The following TMEM132B variants were observed in gnomAD, a reference collection of about 807,000 sequenced individuals.
TMEM132B encodes the protein transmembrane protein 132B.
In TMEM132B, 18 loss-of-function variants were observed where a neutral mutation model predicts 90.8. The observed-to-expected ratio is 0.20, with a 90% confidence interval of 0.14 to 0.29. The LOEUF is 0.29. TMEM132B is among the 10% of genes least tolerant of loss of function. The pLI is 1.00. For missense variants in TMEM132B, 1,096 were observed against 1,326.8 expected (o/e 0.83, Z 2.70); for synonymous variants, 504 against 523.3 (o/e 0.96, Z 0.50).
chr12:125,659,136 T>G lies in TMEM132B; in HGVS notation c.*4426T>G, dbSNP rs1206724264. The stretch of plus-strand genomic sequence containing the variant: ...TTATTTTTTCTTTTCAGCCAGAGAT[T>G]TTAATACCCTTGATGCAGTAATAAA... On this transcript the variant is annotated 3_prime_UTR_variant, in exon 9 of 9. Coordinates refer to ENST00000682704, the MANE Select transcript of TMEM132B (RefSeq NM_001366854.1). The G allele has an allele frequency of 6.6e-6, 1 of 152,248 alleles. No individual in the cohort carries two copies. Among genetic ancestry groups the G allele is most frequent in the Non-Finnish European group, 1.5e-5 (1 of 68,050 alleles). 9.4% of individuals were successfully genotyped at this position (152,248 alleles called of 1,614,324 possible).
chr12:125,584,830 AGAAAG>A (rs1475629333), intron 5 of TMEM132B: 2 of 152,208 alleles, frequency 1.3e-5, no homozygotes, highest in African/African-American at 4.8e-5. Flanking sequence ...GACCTCAGGG[AGAAAG>A]GATTTGAATT....
At chr12:125,228,601 T>A (rs1873736548) in intron 1 of TMEM132B, among the ~76,000 whole-genome samples, 1 of 152,222 alleles carries the variant, frequency 6.6e-6, no homozygotes, top group African/African-American at 2.4e-5. Flanking sequence ...GAGCTGGACC[T>A]GTTCAGGCTT....
At chr12:125,576,904 G>C (rs940873549) in intron 4 of TMEM132B, among the ~76,000 whole-genome samples, 2 of 151,178 alleles carry the variant, frequency 1.3e-5, no homozygotes, top group East Asian at 3.9e-4. Context: ...CAGGGGGGTG[G>C]GGTTGGCATC....
intron 5 of TMEM132B, among the ~76,000 whole-genome samples, chr12:125,640,085 C>G (rs1324699602): frequency 6.6e-6 from 1 of 152,156 alleles, no homozygotes; most frequent in Admixed American, 6.5e-5. Flanking sequence ...TCAGTTCCCA[C>G]AGGACAACAT....
At chr12:125,483,969 G>A (rs1036547420) in intron 3 of TMEM132B, among the ~76,000 whole-genome samples, 5 of 152,180 alleles carry the variant, frequency 3.3e-5, no homozygotes, top group Admixed American at 3.3e-4. Flanking sequence ...GAACATAATT[G>A]CTGGAGTCTA....
chr12:125,263,685 G>A lies in TMEM132B; in HGVS notation c.67+76819G>A, dbSNP rs895472156. On this transcript the variant is annotated intron_variant, in intron 1 of 8. Transcript: ENST00000682704. ...GAGGTTGGTGTGTATCTGAGATATGGGTATAAAAACATCTTCTCCAAACCG... is the reference window on the plus strand; with the variant it reads ...GAGGTTGGTGTGTATCTGAGATATGAGTATAAAAACATCTTCTCCAAACCG... 3.3e-5 allele frequency among the ~76,000 whole-genome samples: 5 copies of A among 152,230 alleles called. No individual in the cohort carries two copies. The South Asian group carries it at 6.2e-4, about 19-fold the overall frequency.
intron 1 of TMEM132B, among the ~76,000 whole-genome samples, chr12:125,187,792 C>T (rs911323275): frequency 2.4e-5 from 3 of 123,132 alleles, no homozygotes; most frequent in Non-Finnish European, 4.9e-5. Context: ...CCCATGCAAG[C>T]AGTGGAGAAA....
chr12:125,263,752 G>C (rs1874623380), intron 1 of TMEM132B, among the ~76,000 whole-genome samples: 1 of 152,236 alleles, frequency 6.6e-6, no homozygotes, highest in African/African-American at 2.4e-5. Flanking sequence ...TGGTGCAAGA[G>C]GTGGCCTGGG....
chr12:125,423,759 T>G lies in TMEM132B; in HGVS notation c.1106+8082T>G, dbSNP rs1880235659. On this transcript the variant is annotated intron_variant, in intron 3 of 8. Transcript: ENST00000682704. ...ATAACTGTTAATATTTTGAGTATATTGGCATTCTATGTGATCACATCTATA... is the reference window on the plus strand; with the variant it reads ...ATAACTGTTAATATTTTGAGTATATGGGCATTCTATGTGATCACATCTATA... Among the ~76,000 whole-genome samples the G allele has an allele frequency of 2.0e-5, 3 of 152,338 alleles. No homozygotes were observed. In the South Asian group the frequency reaches 6.2e-4, roughly 32 times the overall value.
chr12:125,212,566 C>T (rs1328977354), intron 1 of TMEM132B, among the ~76,000 whole-genome samples: 1 of 152,026 alleles, frequency 6.6e-6, no homozygotes, highest in Non-Finnish European at 1.5e-5. Context: ...TGGTGGTGGG[C>T]ACCCATAATC....
At chr12:125,483,126 A>G (rs1882095949) in intron 3 of TMEM132B, among the ~76,000 whole-genome samples, 1 of 152,114 alleles carries the variant, frequency 6.6e-6, no homozygotes, top group Non-Finnish European at 1.5e-5. Flanking sequence ...GGATAGCATT[A>G]GGAGAAATAC....
rs545662771 is a variant in TMEM132B, at chr12:125,284,466, C to T, written c.68-64986C>T. On this transcript the variant is annotated intron_variant, in intron 1 of 8. Transcript: ENST00000682704. ...CGCTGCCGTGGAGCAGGGGTTAGAC[C>T]GCAAAGATCTCTCTTCCTCCCCCCT... 5.0e-4 allele frequency among the ~76,000 whole-genome samples: 76 copies of T among 152,282 alleles called. 1 individual carries two copies. Among genetic ancestry groups the T allele is most frequent in the South Asian group, 2.9e-3 (14 of 4,810 alleles).
chr12:125,227,214 G>A (rs1405063947), intron 1 of TMEM132B, among the ~76,000 whole-genome samples: 4 of 152,070 alleles, frequency 2.6e-5, no homozygotes, highest in Non-Finnish European at 5.9e-5. Flanking sequence ...CTTGAAAGGG[G>A]ACAGCGAGAG....
chr12:125,644,004 C>A, intron 5 of TMEM132B, 72 bp from the exon 6 acceptor site: 1 of 1,389,050 alleles, frequency 7.2e-7, no homozygotes, highest in Non-Finnish European at 1.0e-6. Context: ...AGTTCATGAA[C>A]TTTCACTGTT....
intron 2 of TMEM132B, among the ~76,000 whole-genome samples, chr12:125,383,010 T>C (rs891510974): frequency 6.6e-6 from 1 of 152,208 alleles, no homozygotes; most frequent in African/African-American, 2.4e-5. Flanking sequence ...TGATTCCTCC[T>C]CCAGATATGT....
At chr12:125,444,029 G>A (rs1472517296) in intron 3 of TMEM132B, among the ~76,000 whole-genome samples, 4 of 152,092 alleles carry the variant, frequency 2.6e-5, no homozygotes, top group East Asian at 3.9e-4. Flanking sequence ...TGAAGGAAGT[G>A]TAGTTTCTTA....
At chr12:125,589,575 C>T (rs1318954932) in intron 5 of TMEM132B, among the ~76,000 whole-genome samples, 2 of 150,160 alleles carry the variant, frequency 1.3e-5, no homozygotes, top group Non-Finnish European at 3.0e-5. Context: ...ACAAGCTATA[C>T]AGGAAGCATG....
In TMEM132B at chr12:125,653,578, G is replaced by A. The variant is rs1271013079; in HGVS notation, c.2120G>A (p.Ser707Asn). Residue 707 changes from serine (S) to asparagine (N), a missense_variant, in exon 9 of 9, where the codon AGT becomes AAT. Transcript: ENST00000682704. ...LQSPQQEAIV[S>N]SWILFSDGSV... ...CATTTTCCTCAGGAAGCAATAGTAAGTTCTTGGATTTTGTTCAGTGATGGT... is the reference window on the plus strand; with the variant it reads ...CATTTTCCTCAGGAAGCAATAGTAAATTCTTGGATTTTGTTCAGTGATGGT... 1.2e-5 allele frequency: 20 copies of A among 1,604,872 alleles called. No homozygotes were observed. The highest frequency in any genetic ancestry group is 2.2e-5 in the East Asian group (1 of 44,646).
Position 125,445,938 on chromosome 12 carries a change from A to C in TMEM132B, c.1106+30261A>C, listed in dbSNP as rs1376579816. ...AGAGTTCCCTCCTTGCCTCGCAGGGAGACAGCTCTGGGGTGGGCATCCCAG... is the reference window on the plus strand; with the variant it reads ...AGAGTTCCCTCCTTGCCTCGCAGGGCGACAGCTCTGGGGTGGGCATCCCAG... On this transcript the variant is annotated intron_variant, in intron 3 of 8. Transcript: ENST00000682704. This position sits in a 1 kb window ranked among gnomAD's most constrained non-coding sequence, Gnocchi z 4.3. Among the ~76,000 whole-genome samples, 8 of 146,386 alleles carry C rather than the reference A, an allele frequency of 5.5e-5. No individual in the cohort carries two copies. Among genetic ancestry groups the C allele is most frequent in the Admixed American group, 5.4e-4 (8 of 14,808 alleles).
Sources: allele counts gnomAD v4.1 joint callset (sites outside exome capture counted in the v4.1 genomes callset), GRCh38; gene constraint gnomAD v4.1.1; non-coding constraint Gnocchi (gnomAD v3.1); transcripts MANE v1.5; gene names NCBI Gene and HGNC (gene_info 2026-07-23, HGNC 2026-07-21).